TECPR1: variants seen among roughly 807,000 people sequenced by gnomAD.
TECPR1 encodes the protein tectonin beta-propeller repeat containing 1.
TECPR1 carries 122 observed loss-of-function variants against 162.4 expected under a neutral mutation model. The observed-to-expected ratio is 0.75, with a 90% CI of 0.65 to 0.87. The LOEUF (loss-of-function observed/expected upper bound fraction) is 0.87, where lower values mean the gene tolerates loss of function less well. Among genes scored for constraint, TECPR1 ranks in the 40% least tolerant of loss-of-function variants. The pLI, the probability that TECPR1 is intolerant of heterozygous loss-of-function variation, is 0.00. For missense variants in TECPR1, 1,432 were observed against 1,618.2 expected, an observed-to-expected ratio of 0.88 and a Z score of 1.97; for synonymous variants, 642 against 670.6, an observed-to-expected ratio of 0.96 and a Z score of 0.66.
intron 8 of TECPR1, among the ~76,000 whole-genome samples, chr7:98,239,453 G>A (rs1187973788): frequency 6.6e-6 from 1 of 152,210 alleles, no homozygotes. Flanking sequence ...TACTTGGGAG[G>A]CCATGGCAGG....
intron 24 of TECPR1, 50 bp from the exon 25 acceptor site, chr7:98,217,861 C>T: frequency 1.3e-6 from 2 of 1,541,540 alleles, no homozygotes; most frequent in East Asian, 2.5e-5. Context: ...AGTGGGACGG[C>T]TGGGCATGGG....
At position 98,232,904 on chromosome 7, in the gene TECPR1, G is replaced by T. The variant is rs1798483348; in HGVS notation, c.1741C>A (p.Gln581Lys). The T allele has an allele frequency of 6.2e-7, 1 of 1,612,738 alleles. No homozygotes were observed. Residue 581 changes from glutamine (Q) to lysine (K), a missense_variant, in exon 12 of 26, where the codon CAG (glutamine) becomes AAG (lysine). By Grantham distance (53) the Gln-to-Lys change is moderately conservative. Coordinates refer to ENST00000447648, the MANE Select transcript of TECPR1 (RefSeq NM_015395.3). This position sits in a 1 kb window ranked among gnomAD's most constrained non-coding sequence, Gnocchi z 4.6. The stretch of plus-strand genomic sequence containing the variant: ...CTTTCCGTGAGCTGCTGGAAGATCT[G>T]CTTCCTCCAGGCAGCGGTCTGGGCC... ...TPAQTAAWRK[Q>K]IFQQLTERTK...
intron 9 of TECPR1, 90 bp from the exon 10 acceptor site, chr7:98,237,011 C>T: frequency 7.2e-7 from 1 of 1,382,398 alleles, no homozygotes; most frequent in Non-Finnish European, 9.6e-7. Flanking sequence ...AGGCAGGGTC[C>T]TCCATGTGCA....
At chr7:98,239,290 C>T (rs1156610838) in intron 8 of TECPR1, among the ~76,000 whole-genome samples, 1 of 152,242 alleles carries the variant, frequency 6.6e-6, no homozygotes, top group African/African-American at 2.4e-5. Flanking sequence ...GTGGCTCACA[C>T]CTGTAATCCC....
intron 17 of TECPR1, chr7:98,226,700 G>A: frequency 8.3e-7 from 1 of 1,204,416 alleles, no homozygotes; most frequent in South Asian, 1.4e-5. Context: ...CACTTTGGGA[G>A]GCTGAGGCGG....
Position 98,228,083 on chromosome 7 carries a change from T to C in TECPR1, c.2444A>G (p.Gln815Arg). Residue 815 changes from glutamine to arginine, a missense_variant, in exon 17 of 26, where the codon CAG (glutamine) becomes CGG (arginine). Gln to Arg is a conservative substitution (Grantham distance 43). Transcript: ENST00000447648. ...GATGTGAACACACTTCACGTCTGAC[T>C]GCGTGTAGATGTTACTGGTGCTGCT... ...LASSTSNIYT[Q>R]SDVKCVHIYE... is the part of the protein sequence containing the mutation. The C allele has an allele frequency of 6.2e-7, 1 of 1,612,686 alleles. No individual in the cohort carries two copies. The highest frequency in any genetic ancestry group is 8.5e-7 in the Non-Finnish European group (1 of 1,179,506).
In TECPR1 at chr7:98,223,133, C is replaced by T; in HGVS notation, c.2785G>A (p.Val929Met). The change falls in exon 21 of 26, where the codon GTG becomes ATG. Residue 929 changes from valine (V) to methionine (M), a missense_variant. Val to Met is a conservative substitution (Grantham distance 21). Transcript: ENST00000447648. ...KLVTSGPWLE[V>M]PPIALRDVSI... ...ACGTCCCTGAGGGCGATGGGGGGCA[C>T]CTCCAGCCAGGGCCCACTGGTCACC... 2 of 1,604,674 alleles carry T rather than the reference C, an allele frequency of 1.2e-6. No homozygotes were observed. The highest frequency in any genetic ancestry group is 1.7e-6 in the Non-Finnish European group (2 of 1,176,234).
At position 98,231,328 on chromosome 7, in the gene TECPR1, G is replaced by T; in HGVS notation, c.2020C>A (p.Leu674Met). Residue 674 changes from leucine to methionine, a missense_variant, in exon 14 of 26, where the codon CTG becomes ATG. By Grantham distance (15) the Leu-to-Met change is conservative. Coordinates refer to ENST00000447648, the MANE Select transcript of TECPR1 (RefSeq NM_015395.3). ...GCAAAGGAGTGCTTGGTCTCGTTCA[G>T]CACTGGGACCAGCGCCACCACCTCA... The part of the protein sequence containing the change: ...LNEVVALVPV[L>M]NETKHSFALY... The T allele has an allele frequency of 1.9e-6, 3 of 1,611,220 alleles. No individual in the cohort carries two copies. Among genetic ancestry groups the T allele is most frequent in the Non-Finnish European group, 1.7e-6 (2 of 1,178,824 alleles).
intron 16 of TECPR1, 50 bp downstream of exon 16, chr7:98,228,989 G>C (rs1445136272): frequency 6.3e-7 from 1 of 1,575,522 alleles, no homozygotes; most frequent in Admixed American, 1.7e-5. Context: ...ACGGGGACTA[G>C]AGGAAAGAAC....
chr7:98,224,370 C>T lies in TECPR1; in HGVS notation c.2690+431G>A, dbSNP rs56884531. Among the ~76,000 whole-genome samples the T allele has an allele frequency of 1.2e-3, 178 of 152,338 alleles. 1 individual carries two copies. The highest frequency in any genetic ancestry group is 4.1e-3 in the African/African-American group (171 of 41,582). ...CACACTGCCCCTTCACCTAACATCT[C>T]GTGTTGGGTCCCTCAACACTAAGGG... On this transcript the variant is annotated intron_variant, in intron 19 of 25. Transcript: ENST00000447648.
At position 98,241,304 on chromosome 7, in the gene TECPR1, G is replaced by A; in HGVS notation, c.658-60C>T. ...AACTCATTCACACCAGCCAAGCACG[G>A]GGGTCTCGGTGTGGTAGGGGGTAGG... On this transcript the variant is annotated intron_variant, in intron 6 of 25. Coordinates refer to ENST00000447648, the MANE Select transcript of TECPR1 (RefSeq NM_015395.3). This position sits in a 1 kb window ranked among gnomAD's most constrained non-coding sequence, Gnocchi z 5.0. 1 of 1,595,230 alleles carries A rather than the reference G, an allele frequency of 6.3e-7. No homozygotes were observed. Among genetic ancestry groups the A allele is most frequent in the Non-Finnish European group, 8.6e-7 (1 of 1,167,890 alleles).
chr7:98,245,155 C>T (rs759712860), intron 3 of TECPR1, 88 bp from the exon 4 acceptor site: 1 of 1,400,698 alleles, frequency 7.1e-7, no homozygotes, highest in South Asian at 1.3e-5. Context: ...GACCAGCTGA[C>T]CCTGCCCAGC....
chr7:98,228,072 T>C lies in TECPR1; in HGVS notation c.2455A>G (p.Lys819Glu). ...TSNIYTQSDV[K>E]CVHIYENQRW... ...TGGTTCTCATAGATGTGAACACACT[T>C]CACGTCTGACTGCGTGTAGATGTTA... Residue 819 changes from lysine to glutamate, a missense_variant, in exon 17 of 26, where the codon AAG (lysine) becomes GAG (glutamate). Physicochemically the swap from Lys to Glu is moderately conservative, Grantham distance 56 (BLOSUM62 1). Transcript: ENST00000447648. 6.2e-7 allele frequency: 1 copy of C among 1,613,058 alleles called. No individual in the cohort carries two copies. Among genetic ancestry groups the C allele is most frequent in the Non-Finnish European group, 8.5e-7 (1 of 1,179,632 alleles).
chr7:98,228,406 C>T, intron 16 of TECPR1: 1 of 397,058 alleles, frequency 2.5e-6, no homozygotes, highest in Non-Finnish European at 4.8e-6. Flanking sequence ...ACCTTGCCCT[C>T]CTACTTAGCA....
In TECPR1 at chr7:98,233,696, C is replaced by A. The variant is rs1350811535; in HGVS notation, c.1397G>T (p.Gly466Val). ...DTVEDACPAE[G>V]SREARPNTHP... ...CGTGTTGGGTCTGGCCTCCCTGCTG[C>A]CCTCGGCTGGGCAGGCATCTTCCAC... is the stretch of plus-strand genomic sequence containing the variant. The change falls in exon 11 of 26, where the codon GGC (glycine) becomes GTC (valine). Residue 466 changes from glycine (G) to valine (V), a missense_variant. Transcript: ENST00000447648. The A allele has an allele frequency of 6.2e-7, 1 of 1,610,746 alleles. No individual in the cohort carries two copies. Among genetic ancestry groups the A allele is most frequent in the Non-Finnish European group, 8.5e-7 (1 of 1,178,536 alleles).
At chr7:98,230,380 A>G (rs1453085430) in intron 15 of TECPR1, among the ~76,000 whole-genome samples, 1 of 147,498 alleles carries the variant, frequency 6.8e-6, no homozygotes, top group Non-Finnish European at 1.5e-5. Flanking sequence ...CCCTCACCCC[A>G]CTCCAGCCTG....
chr7:98,224,315 G>A (rs1017966987), intron 19 of TECPR1, among the ~76,000 whole-genome samples: 1 of 152,202 alleles, frequency 6.6e-6, no homozygotes, highest in African/African-American at 2.4e-5. Context: ...CCAGGGCCTC[G>A]TGACAGCCAC....
chr7:98,245,841 T>C, intron 3 of TECPR1, 81 bp downstream of exon 3: 1 of 1,320,112 alleles, frequency 7.6e-7, no homozygotes, highest in Non-Finnish European at 1.1e-6. Context: ...GGGGCCTCTA[T>C]TTCCCTTCTG....
intron 11 of TECPR1, 100 bp downstream of exon 11, chr7:98,233,321 C>T (rs1798498723): frequency 6.7e-6 from 9 of 1,349,960 alleles, no homozygotes; most frequent in Non-Finnish European, 8.6e-6. Flanking sequence ...GGGAGGACAG[C>T]AGGCCTGCCC....
Sources: gnomAD v4.1 joint callset for allele counts (sites outside exome capture counted in the v4.1 genomes callset) on GRCh38, gnomAD v4.1.1 for gene constraint, Gnocchi (gnomAD v3.1) non-coding constraint, MANE v1.5 for transcripts, NCBI Gene and HGNC (gene_info 2026-07-23, HGNC 2026-07-21) for gene names.